Variants in KIAA1671 observed in about 807,000 individuals in gnomAD.
KIAA1671 encodes the protein uncharacterized protein KIAA1671.
KIAA1671 carries 52 observed loss-of-function variants against 131.2 expected under a neutral mutation model. The ratio of observed to expected loss-of-function variants is 0.40; its 90% CI spans 0.32 to 0.50. The LOEUF is 0.50. Among genes scored for constraint, KIAA1671 ranks in the 20% least tolerant of loss-of-function variants. The probability of loss-of-function intolerance (pLI) is 0.73; values close to 1 mark genes in which losing one functional copy is unlikely to be tolerated. For synonymous variants in KIAA1671, 1,003 were observed against 961.6 expected (o/e 1.04, Z -0.80); for missense variants, 2,360 against 2,364.2 (o/e 1.00, Z 0.04).
chr22:25,021,943 C>T (rs1243505051), intron 1 of KIAA1671, among the ~76,000 whole-genome samples: 2 of 152,090 alleles, frequency 1.3e-5, no homozygotes, highest in Non-Finnish European at 2.9e-5. Context: ...CCCGCCACCA[C>T]GCCCAGCTAA....
chr22:25,036,651 G>A (rs1926614854), intron 4 of KIAA1671, among the ~76,000 whole-genome samples: 1 of 152,098 alleles, frequency 6.6e-6, no homozygotes, highest in Non-Finnish European at 1.5e-5. Context: ...GGGCGTGGTG[G>A]CTCACACCTG....
At chr22:25,105,797 T>G (rs1033870140) in intron 6 of KIAA1671, among the ~76,000 whole-genome samples, 65 of 141,318 alleles carry the variant, frequency 4.6e-4, no homozygotes, top group Non-Finnish European at 8.8e-4. Flanking sequence ...CCAGGATATA[T>G]AGCTTGTCAC....
rs116787997 is a variant in KIAA1671 at position 25,187,991 on chromosome 22, T to C, written c.5343-2711T>C. On this transcript the variant is annotated intron_variant, in intron 11 of 12. Coordinates refer to ENST00000358431, the MANE Select transcript of KIAA1671 (RefSeq NM_001145206.2). ...TTTGATTTGAGTACCTTTCTGTATGTGTTCTTCCATTTAAAAACGTTTGAA... is the reference window on the plus strand; with the variant it reads ...TTTGATTTGAGTACCTTTCTGTATGCGTTCTTCCATTTAAAAACGTTTGAA... 3.3e-3 allele frequency among the ~76,000 whole-genome samples: 496 copies of C among 152,310 alleles called. 2 individuals are homozygous for C. Among genetic ancestry groups the C allele is most frequent in the African/African-American group, 0.011 (464 of 41,572 alleles).
chr22:25,185,377 G>A lies in KIAA1671; in HGVS notation c.5342+258G>A, dbSNP rs56819383. On this transcript the variant is annotated intron_variant, in intron 11 of 12. Transcript: ENST00000358431. Reference sequence around the variant, plus strand: ...CCCACTGCCACCTGCTACATGGAACGCCAGGGCACCATTGCTGGAGAACTA... The same window carrying A: ...CCCACTGCCACCTGCTACATGGAACACCAGGGCACCATTGCTGGAGAACTA... The A allele has an allele frequency of 5.6e-4, 243 of 436,674 alleles. 2 individuals carry two copies. Among genetic ancestry groups the A allele is most frequent in the African/African-American group, 3.8e-3 (186 of 49,358 alleles). The allele number at this position is 436,674 out of a possible 1,614,324, so 27.0% of individuals were successfully genotyped here. A position where few individuals can be genotyped will look rare whatever the true frequency, so the allele number is the denominator to read the frequency against.
chr22:24,993,983 A>G (rs1923974420), intron 1 of KIAA1671, among the ~76,000 whole-genome samples: 1 of 152,120 alleles, frequency 6.6e-6, no homozygotes, highest in African/African-American at 2.4e-5. Flanking sequence ...CAGGAGACTG[A>G]GGCAGGAGAA....
Position 24,952,853 on chromosome 22 carries a change from G to C in KIAA1671, c.-208+81G>C, listed in dbSNP as rs955334653. Reference sequence around the variant, plus strand: ...GGCCGACGAGGTAGCTGGGGGTGACGGCGGCTGGCGAGGGCCGCCAAGTTT... The same window carrying C: ...GGCCGACGAGGTAGCTGGGGGTGACCGCGGCTGGCGAGGGCCGCCAAGTTT... On this transcript the variant is annotated intron_variant, in intron 1 of 12. Transcript: ENST00000358431. This position sits in a 1 kb window ranked among gnomAD's most constrained non-coding sequence, Gnocchi z 4.5. The C allele has an allele frequency of 7.2e-5, 11 of 152,318 alleles. No individual in the cohort carries two copies. Among genetic ancestry groups the C allele is most frequent in the African/African-American group, 2.7e-4 (11 of 41,464 alleles). 9.4% of individuals were successfully genotyped at this position (152,318 alleles called of 1,614,324 possible).
At chr22:25,123,455 G>A (rs1045588991) in intron 6 of KIAA1671, among the ~76,000 whole-genome samples, 3 of 152,154 alleles carry the variant, frequency 2.0e-5, no homozygotes, top group African/African-American at 4.8e-5. Context: ...GCCTCCCAAA[G>A]TGCTGGGATT....
rs1930262087 is a variant in KIAA1671 at position 25,093,852 on chromosome 22, C to CTCTCTT, written c.4530+44493_4530+44494insTTCTCT. 1.7e-5 allele frequency among the ~76,000 whole-genome samples: 2 copies of CTCTCTT among 121,078 alleles called. 1 individual carries two copies. Among genetic ancestry groups the CTCTCTT allele is most frequent in the African/African-American group, 5.9e-5 (2 of 33,900 alleles). 79.4% of individuals were successfully genotyped at this position (121,078 alleles called of 152,430 possible). A position where few individuals can be genotyped will look rare whatever the true frequency, so the allele number is the denominator to read the frequency against. On this transcript the variant is annotated intron_variant, in intron 6 of 12. Transcript: ENST00000358431. ...TCTCTCTGTCTGTCTCTCTCTCTCT[C>CTCTCTT]TCTCTCTCTCTCTCTCTCTCTCTCT...
intron 1 of KIAA1671, among the ~76,000 whole-genome samples, chr22:25,016,090 G>A (rs1423784608): frequency 1.3e-5 from 2 of 150,332 alleles, no homozygotes; most frequent in Non-Finnish European, 3.0e-5. Flanking sequence ...GTGTGATCTC[G>A]GCTCACTGCA....
At chr22:25,183,098 A>C (rs1470461051) in intron 10 of KIAA1671, among the ~76,000 whole-genome samples, 1 of 152,200 alleles carries the variant, frequency 6.6e-6, no homozygotes, top group East Asian at 1.9e-4. Context: ...ATGTGCTTGC[A>C]AACTCACTTT....
At chr22:25,124,003 A>G (rs1259311715) in intron 6 of KIAA1671, among the ~76,000 whole-genome samples, 1 of 152,108 alleles carries the variant, frequency 6.6e-6, no homozygotes, top group African/African-American at 2.4e-5. Context: ...CATGGTCTGT[A>G]ATGTGTAGGT....
intron 6 of KIAA1671, among the ~76,000 whole-genome samples, chr22:25,169,262 T>A (rs1426286670): frequency 6.6e-6 from 1 of 151,642 alleles, no homozygotes; most frequent in Admixed American, 6.6e-5. Flanking sequence ...ACAAAAAAAT[T>A]TTTTTAAATA....
intron 6 of KIAA1671, among the ~76,000 whole-genome samples, chr22:25,085,357 G>A (rs760783606): frequency 2.8e-4 from 42 of 152,300 alleles, no homozygotes; most frequent in South Asian, 8.3e-4. Context: ...GACGTGGGCC[G>A]ATCTTTTTCT....
intron 6 of KIAA1671, among the ~76,000 whole-genome samples, chr22:25,164,960 A>AAAGAG (rs1555884264): frequency 7.5e-6 from 1 of 134,172 alleles, no homozygotes; most frequent in Non-Finnish European, 1.6e-5. Flanking sequence ...AAAAAAAAAA[A>AAAGAG]AGAGAGAGAG....
chr22:25,096,248 A>G, intron 6 of KIAA1671, among the ~76,000 whole-genome samples: 1 of 152,168 alleles, frequency 6.6e-6, no homozygotes, highest in Non-Finnish European at 1.5e-5. Context: ...GCTGTTTGGC[A>G]CAGCCCACAC....
intron 6 of KIAA1671, among the ~76,000 whole-genome samples, chr22:25,166,414 A>G (rs988158595): frequency 6.6e-6 from 1 of 152,132 alleles, no homozygotes; most frequent in African/African-American, 2.4e-5. Flanking sequence ...ATTTATCCCC[A>G]GGGCCATCCG....
rs140366593 is a variant in KIAA1671 at position 24,975,044 on chromosome 22, T to C, written c.-208+22272T>C. Among the ~76,000 whole-genome samples the C allele has an allele frequency of 3.8e-3, 575 of 152,226 alleles. 2 individuals are homozygous for C. The highest frequency in any genetic ancestry group is 5.9e-3 in the Non-Finnish European group (400 of 67,988). ...CACAGTTCAGTGGTTTTTAGTATAT[T>C]CATAGATATGTGCAACTCTCAACCA... On this transcript the variant is annotated intron_variant, in intron 1 of 12. Transcript: ENST00000358431.
chr22:24,971,942 C>T (rs1043563723), intron 1 of KIAA1671, among the ~76,000 whole-genome samples: 2 of 152,012 alleles, frequency 1.3e-5, no homozygotes, highest in African/African-American at 2.4e-5. Flanking sequence ...TGGGAGGGGA[C>T]TGAGGGAGGG....
At position 25,028,101 on chromosome 22, in the gene KIAA1671, C is replaced by T; in HGVS notation, c.102C>T (p.Leu34=). 1 of 1,551,300 alleles carries T rather than the reference C, an allele frequency of 6.4e-7. No homozygotes were observed. The highest frequency in any genetic ancestry group is 1.2e-5 in the South Asian group (1 of 84,006). The change falls in exon 3 of 13, where the codon CTC becomes CTT. Residue 34 remains leucine (L), a synonymous_variant. Transcript: ENST00000358431. ...AGACCCTGACGAGGACCTACTTCCT[C>T]CAGGCCGGCGAAGCCTCTGGGGCTC... ...KEETLTRTYF[L]QAGEASGAPP...
Sources: allele counts gnomAD v4.1 joint callset (sites outside exome capture counted in the v4.1 genomes callset), GRCh38; gene constraint gnomAD v4.1.1; non-coding constraint Gnocchi (gnomAD v3.1); transcripts MANE v1.5; gene names NCBI Gene and HGNC (gene_info 2026-07-23, HGNC 2026-07-21).